COL27A1: variants seen among roughly 807,000 people sequenced by gnomAD.
COL27A1 encodes the protein collagen type XXVII alpha 1 chain, also known as collagen alpha-1(XXVII) chain.
Under a neutral mutation model 251.3 loss-of-function variants are expected in COL27A1, and 106 were observed. That is an observed-to-expected ratio of 0.42 (90% confidence interval 0.36 to 0.50). The LOEUF (loss-of-function observed/expected upper bound fraction) is 0.50. COL27A1 is among the 20% of genes least tolerant of loss of function. The probability of loss-of-function intolerance (pLI) is 0.00; values close to 1 mark genes in which losing one functional copy is unlikely to be tolerated. For synonymous variants in COL27A1, 1,000 were observed against 986.3 expected (o/e 1.01, Z -0.26); for missense variants, 2,325 against 2,522.8 (o/e 0.92, Z 1.68).
rs752861465 is a variant in COL27A1 at position 114,162,795 on chromosome 9, T to G, written c.133+10T>G. On this transcript the variant is annotated intron_variant, in intron 2 of 60. Transcript: ENST00000356083. ...CAAGGAGCTCCTGAAGGTAATTCTC[T>G]CTTCTCTTTGTCCAGGGGGAGACAA... The G allele has an allele frequency of 6.2e-7, 1 of 1,604,846 alleles. No individual in the cohort carries two copies. Among genetic ancestry groups the G allele is most frequent in the Non-Finnish European group, 8.5e-7 (1 of 1,172,120 alleles).
chr9:114,275,771 G>A lies in COL27A1; in HGVS notation c.3717+3G>A, dbSNP rs1835461118. ...CCCCTGGCGTCACTGGTGTCCGGGT[G>A]AGTGTGCAGGCCCCTTGCAGCGCCT... On this transcript the variant is annotated splice_donor_region_variant and intron_variant, in intron 37 of 60. Transcript: ENST00000356083. The A allele has an allele frequency of 2.0e-6, 3 of 1,536,078 alleles. No individual in the cohort carries two copies. The highest frequency in any genetic ancestry group is 2.6e-6 in the Non-Finnish European group (3 of 1,137,008).
intron 59 of COL27A1, among the ~76,000 whole-genome samples, chr9:114,308,025 C>T (rs1203712659): frequency 6.6e-6 from 1 of 152,226 alleles, no homozygotes; most frequent in African/African-American, 2.4e-5. Context: ...ATAGAATCTT[C>T]TGCCTAATAT....
intron 49 of COL27A1, among the ~76,000 whole-genome samples, chr9:114,294,441 A>G (rs1053773975): frequency 2.0e-5 from 3 of 152,178 alleles, no homozygotes; most frequent in Non-Finnish European, 4.4e-5. Context: ...CACAGTTCTC[A>G]ATAAAATTTT....
chr9:114,170,898 A>T (rs1849265712), intron 3 of COL27A1, among the ~76,000 whole-genome samples: 1 of 152,296 alleles, frequency 6.6e-6, no homozygotes, highest in East Asian at 1.9e-4. Context: ...CGGTGAGGTC[A>T]AAAGGGGAAT....
chr9:114,306,244 C>G (rs1323659365), intron 57 of COL27A1: 1 of 341,312 alleles, frequency 2.9e-6, no homozygotes, highest in Admixed American at 4.5e-5. Flanking sequence ...CCTCGCCTAC[C>G]TCATTCACGG....
chr9:114,311,747 C>G lies in COL27A1; in HGVS notation c.*1052C>G, dbSNP rs1829464100. ...TGAGGCTGGCCTTGGAAGGCGTGCCCTGGAGAGGTCTTGGGTGAAAACTTG... is the reference window on the plus strand; with the variant it reads ...TGAGGCTGGCCTTGGAAGGCGTGCCGTGGAGAGGTCTTGGGTGAAAACTTG... On this transcript the variant is annotated 3_prime_UTR_variant, in exon 61 of 61. Coordinates refer to ENST00000356083, the MANE Select transcript of COL27A1 (RefSeq NM_032888.4). 6.6e-6 allele frequency: 1 copy of G among 152,240 alleles called. No individual in the cohort carries two copies. 9.4% of individuals were successfully genotyped at this position (152,240 alleles called of 1,614,324 possible).
intron 2 of COL27A1, among the ~76,000 whole-genome samples, chr9:114,166,223 C>T (rs1460027918): frequency 2.0e-5 from 3 of 150,872 alleles, no homozygotes; most frequent in Non-Finnish European, 3.0e-5. Context: ...ATTTTTCTAT[C>T]CATCCATCCA....
intron 10 of COL27A1, among the ~76,000 whole-genome samples, chr9:114,206,797 C>T (rs980489668): frequency 2.6e-5 from 4 of 152,186 alleles, no homozygotes; most frequent in South Asian, 2.1e-4. Context: ...CCCCGAGTAG[C>T]GATCAGCCTC....
Position 114,265,468 on chromosome 9 carries a change from G to A in COL27A1, c.3386G>A (p.Gly1129Glu), listed in dbSNP as rs2135596930. 6.2e-7 allele frequency: 1 copy of A among 1,613,932 alleles called. No homozygotes were observed. Reference protein sequence around the residue: ...SGPPGTKGLPGEPGPQGPQGP... With the variant: ...SGPPGTKGLPEEPGPQGPQGP... Reference sequence around the variant, plus strand: ...CCCCCAGGCACCAAGGGCCTCCCAGGAGAACCGGTAAGAGCCCTTTCCTTC... The same window carrying A: ...CCCCCAGGCACCAAGGGCCTCCCAGAAGAACCGGTAAGAGCCCTTTCCTTC... The change falls in exon 32 of 61, where the codon GGA (glycine) becomes GAA (glutamate). Residue 1129 changes from glycine (G) to glutamate (E), a missense_variant. This residue lies in a region of COL27A1 where 662 missense variants were observed against 795.3 expected (regional missense o/e 0.83). Transcript: ENST00000356083.
rs1832321847 is a variant in COL27A1, at chr9:114,235,541, G to A, written c.2566-58G>A. The A allele has an allele frequency of 3.0e-6, 4 of 1,337,682 alleles. No homozygotes were observed. In the South Asian group the frequency reaches 4.7e-5, roughly 16 times the overall value. The allele number at this position is 1,337,682 out of a possible 1,614,324, so 82.9% of individuals were successfully genotyped here. ...GTACCTCGCCAGGGGGTCTGTGGGG[G>A]AGGCTTCCAGAACCCACGTGGCCTC... On this transcript the variant is annotated intron_variant, in intron 16 of 60. Transcript: ENST00000356083.
chr9:114,260,141 C>G (rs551786173), intron 28 of COL27A1, among the ~76,000 whole-genome samples: 1 of 152,166 alleles, frequency 6.6e-6, no homozygotes, highest in South Asian at 2.1e-4. Flanking sequence ...GCCTCAGGCG[C>G]GGGGCTCAGG....
intron 24 of COL27A1, among the ~76,000 whole-genome samples, chr9:114,249,324 T>C: frequency 6.6e-6 from 1 of 152,240 alleles, no homozygotes; most frequent in Non-Finnish European, 1.5e-5. Context: ...ACCTTATACC[T>C]AGTGCCTCAT....
intron 3 of COL27A1, among the ~76,000 whole-genome samples, chr9:114,175,218 C>T (rs1211377001): frequency 6.6e-6 from 1 of 152,226 alleles, no homozygotes; most frequent in Non-Finnish European, 1.5e-5. Flanking sequence ...CTCCACCTCC[C>T]CCAGGCAGGC....
intron 37 of COL27A1, among the ~76,000 whole-genome samples, chr9:114,279,081 A>C (rs1363430516): frequency 6.6e-6 from 1 of 152,098 alleles, no homozygotes; most frequent in Non-Finnish European, 1.5e-5. Context: ...GCACTGACTC[A>C]TCTCGCCTTC....
At position 114,288,524 on chromosome 9, in the gene COL27A1, C is replaced by T. The variant is rs1176356333; in HGVS notation, c.4044+13C>T. Reference sequence around the variant, plus strand: ...ACCTGGAGATCGGGTAAGCCCCCTCCCTCCCCTGGACCATGTGGCGTCCTA... The same window carrying T: ...ACCTGGAGATCGGGTAAGCCCCCTCTCTCCCCTGGACCATGTGGCGTCCTA... On this transcript the variant is annotated intron_variant, in intron 42 of 60. Coordinates refer to ENST00000356083, the MANE Select transcript of COL27A1 (RefSeq NM_032888.4). 4 of 1,600,974 alleles carry T rather than the reference C, an allele frequency of 2.5e-6. No homozygotes were observed. The East Asian group carries it at 6.7e-5, about 27-fold the overall frequency.
At chr9:114,253,029 G>T in intron 27 of COL27A1, 97 bp downstream of exon 27, 1 of 955,340 alleles carries the variant, frequency 1.0e-6, no homozygotes, top group Non-Finnish European at 1.6e-6. Context: ...TCAGCACTTC[G>T]GGAGGCCGAT....
intron 56 of COL27A1, among the ~76,000 whole-genome samples, chr9:114,303,751 T>C (rs1243370582): frequency 6.6e-6 from 1 of 152,202 alleles, no homozygotes; most frequent in Non-Finnish European, 1.5e-5. Flanking sequence ...CAGCTTTTGC[T>C]GTTTTCATGG....
intron 16 of COL27A1, among the ~76,000 whole-genome samples, chr9:114,232,273 C>T (rs534307462): frequency 4.5e-4 from 69 of 152,304 alleles, no homozygotes; most frequent in African/African-American, 1.4e-3. Flanking sequence ...CCCCAGAGAG[C>T]GTGCCGACTG....
chr9:114,227,502 G>A (rs1485797288), intron 14 of COL27A1, among the ~76,000 whole-genome samples: 3 of 152,076 alleles, frequency 2.0e-5, no homozygotes, highest in Non-Finnish European at 4.4e-5. Context: ...AAAAGGGAGT[G>A]GGACTGACAA....
Sources: allele counts gnomAD v4.1 joint callset (sites outside exome capture counted in the v4.1 genomes callset), GRCh38; gene constraint gnomAD v4.1.1; regional missense constraint gnomAD v4.1.1; transcripts MANE v1.5; gene names NCBI Gene and HGNC (gene_info 2026-07-23, HGNC 2026-07-21).